The following SORCS2 variants were observed in gnomAD, a reference collection of about 807,000 sequenced individuals.
SORCS2 encodes the protein sortilin related VPS10 domain containing receptor 2.
Under a neutral mutation model 141.6 loss-of-function variants are expected in SORCS2, and 100 were observed. The ratio of observed to expected loss-of-function variants is 0.71; its 90% CI spans 0.60 to 0.83. The LOEUF (loss-of-function observed/expected upper bound fraction) is 0.83. Among genes scored for constraint, SORCS2 ranks in the 40% least tolerant of loss-of-function variants. The pLI is 0.00. For synonymous variants in SORCS2, 789 were observed against 676.9 expected, an observed-to-expected ratio of 1.17 and a Z score of -2.57; for missense variants, 1,646 against 1,560.2, an observed-to-expected ratio of 1.05 and a Z score of -0.93.
chr4:7,275,927 AAAG>A (rs762082314), intron 1 of SORCS2, among the ~76,000 whole-genome samples: 2 of 152,174 alleles, frequency 1.3e-5, no homozygotes, highest in Non-Finnish European at 2.9e-5. Context: ...GTGTCCGAAA[AAAG>A]AATGCAAATG....
intron 3 of SORCS2, among the ~76,000 whole-genome samples, chr4:7,636,253 C>T (rs1226683813): frequency 6.6e-6 from 1 of 152,118 alleles, no homozygotes; most frequent in East Asian, 1.9e-4. Flanking sequence ...TGCTTTGGGT[C>T]CCCTGTTAGG....
chr4:7,317,173 T>A (rs1451194514), intron 1 of SORCS2, among the ~76,000 whole-genome samples: 2 of 151,978 alleles, frequency 1.3e-5, no homozygotes, highest in African/African-American at 4.8e-5. Flanking sequence ...CCTGGTGTAG[T>A]GTTGAAGGAT....
intron 23 of SORCS2, among the ~76,000 whole-genome samples, chr4:7,732,244 G>A (rs188604044): frequency 9.8e-5 from 15 of 152,346 alleles, no homozygotes; most frequent in African/African-American, 3.6e-4. Context: ...GCCACAGTGA[G>A]ACATGGCCTC....
At chr4:7,519,874 T>C (rs1396342394) in intron 2 of SORCS2, among the ~76,000 whole-genome samples, 2 of 152,230 alleles carry the variant, frequency 1.3e-5, no homozygotes, top group African/African-American at 4.8e-5. Flanking sequence ...CTGTGCCTGC[T>C]CTCAGCCCCA....
At chr4:7,462,060 C>A (rs916301516) in intron 2 of SORCS2, among the ~76,000 whole-genome samples, 5 of 152,340 alleles carry the variant, frequency 3.3e-5, no homozygotes, top group Admixed American at 2.6e-4. Context: ...AGAGAAGCCA[C>A]AGTGCAAGTG....
chr4:7,705,016 C>T (rs563060844), intron 14 of SORCS2, among the ~76,000 whole-genome samples: 495 of 40,386 alleles, frequency 0.012, 4 homozygotes, highest in African/African-American at 0.059. Context: ...ATAGTGTGTC[C>T]CAAATTCCTG....
chr4:7,487,569 C>A (rs576222948), intron 2 of SORCS2, among the ~76,000 whole-genome samples: 1 of 152,218 alleles, frequency 6.6e-6, no homozygotes, highest in South Asian at 2.1e-4. Flanking sequence ...AGAGAGCGCG[C>A]TGCATGCACC....
intron 3 of SORCS2, among the ~76,000 whole-genome samples, chr4:7,600,656 T>TATACACACACAC (rs1304491103): frequency 4.3e-5 from 6 of 140,900 alleles, no homozygotes; most frequent in African/African-American, 1.6e-4. Context: ...CATATATATA[T>TATACACACACAC]ACACACACAC....
At chr4:7,257,462 G>A (rs796666048) in intron 1 of SORCS2, among the ~76,000 whole-genome samples, 3 of 152,116 alleles carry the variant, frequency 2.0e-5, no homozygotes, top group Non-Finnish European at 2.9e-5. Context: ...GAGCCTCTCC[G>A]CATCGCGATG....
At chr4:7,460,816 C>G (rs1259894728) in intron 2 of SORCS2, among the ~76,000 whole-genome samples, 2 of 152,176 alleles carry the variant, frequency 1.3e-5, no homozygotes, top group African/African-American at 4.8e-5. Context: ...ATTTTCACAT[C>G]TGTGGCCGTG....
At chr4:7,579,116 T>C (rs542955288) in intron 3 of SORCS2, among the ~76,000 whole-genome samples, 104 of 152,274 alleles carry the variant, frequency 6.8e-4, no homozygotes, top group African/African-American at 2.4e-3. Context: ...AACCCATCAA[T>C]CCCCAGACTC....
intron 2 of SORCS2, among the ~76,000 whole-genome samples, chr4:7,437,877 C>G (rs545001866): frequency 5.9e-4 from 90 of 152,282 alleles, no homozygotes; most frequent in Non-Finnish European, 9.8e-4. Context: ...GTCTGTCCAC[C>G]TACCTAGCCA....
At chr4:7,624,442 A>C (rs572474907) in intron 3 of SORCS2, among the ~76,000 whole-genome samples, 76 of 152,368 alleles carry the variant, frequency 5.0e-4, no homozygotes, top group Non-Finnish European at 9.0e-4. Flanking sequence ...CTTCTAGTTG[A>C]AGCTGATGCA....
chr4:7,212,924 G>A (rs1359088466), intron 1 of SORCS2, among the ~76,000 whole-genome samples: 1 of 152,342 alleles, frequency 6.6e-6, no homozygotes, highest in East Asian at 1.9e-4. Flanking sequence ...CTCGTCATTG[G>A]GGGGTCATCT....
chr4:7,419,113 C>T (rs1200514665), intron 2 of SORCS2, among the ~76,000 whole-genome samples: 1 of 152,170 alleles, frequency 6.6e-6, no homozygotes, highest in African/African-American at 2.4e-5. Flanking sequence ...AATAACTCCA[C>T]TTATTAAAGG....
At chr4:7,289,623 C>G (rs899922179) in intron 1 of SORCS2, among the ~76,000 whole-genome samples, 1 of 152,196 alleles carries the variant, frequency 6.6e-6, no homozygotes, top group Non-Finnish European at 1.5e-5. Flanking sequence ...AAAGCCCTCC[C>G]AGGCCCAGGG....
At chr4:7,571,474 G>A (rs766532599) in intron 3 of SORCS2, among the ~76,000 whole-genome samples, 4 of 152,152 alleles carry the variant, frequency 2.6e-5, no homozygotes, top group South Asian at 2.1e-4. Context: ...GCCATGCCCC[G>A]TGTGGGTGGG....
intron 1 of SORCS2, among the ~76,000 whole-genome samples, chr4:7,263,374 C>A (rs906509859): frequency 2.0e-5 from 3 of 152,178 alleles, no homozygotes; most frequent in Non-Finnish European, 4.4e-5. Context: ...CCTGGAGGAG[C>A]AGGAAGGACC....
In SORCS2 at chr4:7,706,632, ACAGGGATGAGGCTGGGCTCTGCCTGGG is replaced by A. The variant is rs1577098417; in HGVS notation, c.1868+2368_1868+2394del. Among the ~76,000 whole-genome samples, 9 of 116,308 alleles carry A rather than the reference ACAGGGATGAGGCTGGGCTCTGCCTGGG, an allele frequency of 7.7e-5. No homozygotes were observed. The East Asian group carries it at 8.7e-4, about 11-fold the overall frequency. The allele number at this position is 116,308 out of a possible 152,430, so 76.3% of individuals were successfully genotyped here. On this transcript the variant is annotated intron_variant, in intron 14 of 26. Transcript: ENST00000507866. ...AGGGATGAGGCTGGCCTCTGCCTGG[ACAGGGATGAGGCTGGGCTCTGCCTGGG>A]CAGGGATGAGGCTGGGCTCCTCCTG...
Sources: gnomAD v4.1 joint callset for allele counts (sites outside exome capture counted in the v4.1 genomes callset) on GRCh38, gnomAD v4.1.1 for gene constraint, MANE v1.5 for transcripts, NCBI Gene and HGNC (gene_info 2026-07-23, HGNC 2026-07-21) for gene names.